PLSCR4: variants seen among roughly 807,000 people sequenced by gnomAD.
PLSCR4 encodes Ca(2+)-dependent phospholipid scramblase 4.
Under a neutral mutation model 36.3 loss-of-function variants are expected in PLSCR4, and 25 were observed. The ratio of observed to expected loss-of-function variants is 0.69; its 90% CI spans 0.50 to 0.96. The LOEUF (loss-of-function observed/expected upper bound fraction) is 0.96. Ranked by LOEUF, PLSCR4 falls within the 40% of genes least tolerant of loss-of-function variation. PLSCR4 has a pLI of 0.00. For synonymous variants in PLSCR4, 122 were observed against 132.9 expected (o/e 0.92, Z 0.56); for missense variants, 408 against 414.7 (o/e 0.98, Z 0.14).
At chr3:146,249,335 A>G (rs2036462351) in intron 1 of PLSCR4, among the ~76,000 whole-genome samples, 1 of 152,124 alleles carries the variant, frequency 6.6e-6, no homozygotes, top group South Asian at 2.1e-4. Flanking sequence ...CAGTGAGGAA[A>G]AGTTCCAGTT....
At chr3:146,250,697 C>A (rs2036510805) in intron 1 of PLSCR4, 1 of 152,314 alleles carries the variant, frequency 6.6e-6, no homozygotes, top group Non-Finnish European at 1.5e-5. Flanking sequence ...GACCCCCATC[C>A]CTGGGCAGGA....
intron 7 of PLSCR4, among the ~76,000 whole-genome samples, chr3:146,195,519 A>G (rs1344519481): frequency 2.0e-5 from 3 of 152,224 alleles, no homozygotes; most frequent in Non-Finnish European, 2.9e-5. Context: ...CAAATGAGTT[A>G]TTAAGGGACC....
chr3:146,221,980 G>A (rs919514752), intron 2 of PLSCR4, 85 bp downstream of exon 2: 8 of 667,102 alleles, frequency 1.2e-5, no homozygotes, highest in African/African-American at 1.9e-5. Context: ...AAAAAAAATC[G>A]AAATAAAGTC....
At chr3:146,249,865 C>A (rs2107879663) in intron 1 of PLSCR4, among the ~76,000 whole-genome samples, 1 of 152,030 alleles carries the variant, frequency 6.6e-6, no homozygotes, top group South Asian at 2.1e-4. Flanking sequence ...AAAATAATTT[C>A]TCAATTGTGT....
At chr3:146,210,101 AAT>A (rs2034540176) in intron 3 of PLSCR4, among the ~76,000 whole-genome samples, 1 of 152,090 alleles carries the variant, frequency 6.6e-6, no homozygotes, top group African/African-American at 2.4e-5. Context: ...ATATACTTTA[AAT>A]GATGTCTAGA....
chr3:146,202,123 T>C (rs1419836746), intron 4 of PLSCR4, among the ~76,000 whole-genome samples: 1 of 152,022 alleles, frequency 6.6e-6, no homozygotes, highest in Non-Finnish European at 1.5e-5. Flanking sequence ...AATTAAAACC[T>C]TTTTCTTACA....
intron 1 of PLSCR4, among the ~76,000 whole-genome samples, chr3:146,244,358 GT>G (rs1332984665): frequency 6.6e-6 from 1 of 151,976 alleles, no homozygotes; most frequent in African/African-American, 2.4e-5. Flanking sequence ...TTGTTTTACT[GT>G]GCTTTGCTAT....
rs371428405 is a variant in PLSCR4 at position 146,229,813 on chromosome 3, A to G, written c.-21-7721T>C. Among the ~76,000 whole-genome samples the G allele has an allele frequency of 4.6e-5, 7 of 151,576 alleles. No homozygotes were observed. The East Asian group carries it at 5.8e-4, about 13-fold the overall frequency. On this transcript the variant is annotated intron_variant, in intron 1 of 8. Transcript: ENST00000354952. ...CTAATTTTTTGCATATTTAGTAGAGATGGGGTTTCACCATGTTAGCCAGGA... is the reference window on the plus strand; with the variant it reads ...CTAATTTTTTGCATATTTAGTAGAGGTGGGGTTTCACCATGTTAGCCAGGA...
chr3:146,195,253 G>T lies in PLSCR4; in HGVS notation c.816C>A (p.Ile272=). The T allele has an allele frequency of 6.2e-7, 1 of 1,613,688 alleles. No individual in the cohort carries two copies. Among genetic ancestry groups the T allele is most frequent in the African/African-American group, 1.3e-5 (1 of 75,032 alleles). Residue 272 remains isoleucine, a synonymous_variant, in exon 8 of 9, where the codon ATC becomes ATA. Coordinates refer to ENST00000354952, the MANE Select transcript of PLSCR4 (RefSeq NM_020353.3). ...CATTCCACTTCCGGATAATACTGCC[G>T]ATGTTGGATATGCCATCAAGGGATT... The part of the protein sequence containing the change: ...EVKSLDGISN[I]GSIIRKWNGL...
intron 4 of PLSCR4, 54 bp downstream of exon 4, chr3:146,206,472 T>C: frequency 1.5e-6 from 2 of 1,322,168 alleles, no homozygotes; most frequent in Admixed American, 1.7e-5. Flanking sequence ...CTCTCTTTGT[T>C]GGATCCCTAT....
intron 1 of PLSCR4, among the ~76,000 whole-genome samples, chr3:146,226,365 T>C (rs998811273): frequency 6.6e-6 from 1 of 152,210 alleles, no homozygotes; most frequent in African/African-American, 2.4e-5. Context: ...TGTTTGATTA[T>C]ATGTTAAGTT....
chr3:146,197,330 T>C (rs948712790), intron 6 of PLSCR4, among the ~76,000 whole-genome samples: 2 of 152,134 alleles, frequency 1.3e-5, no homozygotes, highest in Admixed American at 1.3e-4. Flanking sequence ...CTTCTCCAAG[T>C]CAACCTCAGA....
At chr3:146,224,425 G>A (rs867933870) in intron 1 of PLSCR4, among the ~76,000 whole-genome samples, 4 of 152,192 alleles carry the variant, frequency 2.6e-5, no homozygotes, top group African/African-American at 9.6e-5. Flanking sequence ...CTTCAAGAAC[G>A]AAGCCGCGGA....
intron 3 of PLSCR4, among the ~76,000 whole-genome samples, chr3:146,219,369 T>C (rs2035034816): frequency 1.3e-5 from 2 of 152,198 alleles, no homozygotes; most frequent in South Asian, 4.1e-4. Flanking sequence ...AGATAGATCT[T>C]GTATATCATG....
chr3:146,199,972 A>G lies in PLSCR4; in HGVS notation c.465T>C (p.Ile155=), dbSNP rs767380203. 1.9e-6 allele frequency: 3 copies of G among 1,613,154 alleles called. No individual in the cohort carries two copies. Among genetic ancestry groups the G allele is most frequent in the African/African-American group, 1.3e-5 (1 of 74,898 alleles). Residue 155 remains isoleucine, a synonymous_variant, in exon 6 of 9, where the codon ATT becomes ATC. Transcript: ENST00000354952. Reference sequence around the variant, plus strand: ...TAAAGTCATCTGTGTCTTCGGTTACAATGTAAACCATCTGGTCTGAGTTGT... The same window carrying G: ...TAAAGTCATCTGTGTCTTCGGTTACGATGTAAACCATCTGGTCTGAGTTGT... ...IKNNSDQMVY[I]VTEDTDDFTR...
chr3:146,246,043 C>A (rs1212809979), intron 1 of PLSCR4, among the ~76,000 whole-genome samples: 2 of 152,058 alleles, frequency 1.3e-5, no homozygotes, highest in African/African-American at 2.4e-5. Flanking sequence ...TTTCTGTAGA[C>A]ATCTTGTAAA....
At chr3:146,234,405 C>T (rs76452041) in intron 1 of PLSCR4, among the ~76,000 whole-genome samples, 2,559 of 152,076 alleles carry the variant, frequency 0.017, 77 homozygotes, top group African/African-American at 0.058. Context: ...CTGTCATGTC[C>T]CAGATCCTGG....
At chr3:146,217,415 T>C (rs1254854336) in intron 3 of PLSCR4, among the ~76,000 whole-genome samples, 3 of 152,224 alleles carry the variant, frequency 2.0e-5, no homozygotes. Context: ...TGTGGAGATT[T>C]AGCAGACAAG....
At chr3:146,222,391 TAC>T (rs1028238474) in intron 1 of PLSCR4, 6 of 178,224 alleles carry the variant, frequency 3.4e-5, no homozygotes, top group African/African-American at 1.4e-4. Flanking sequence ...CGTTAGATAG[TAC>T]AGTTATGAGG....
Sources: allele counts gnomAD v4.1 joint callset (sites outside exome capture counted in the v4.1 genomes callset), GRCh38; gene constraint gnomAD v4.1.1; transcripts MANE v1.5; gene names NCBI Gene and HGNC (gene_info 2026-07-23, HGNC 2026-07-21).